DES: variants seen among roughly 807,000 people sequenced by gnomAD.
DES encodes desmin, also known as cardiomyopathy, dilated 1F (autosomal dominant).
DES carries 34 observed loss-of-function variants against 55.1 expected under a neutral mutation model. The ratio of observed to expected loss-of-function variants is 0.62; its 90% CI spans 0.47 to 0.82. The LOEUF (loss-of-function observed/expected upper bound fraction) is 0.82, where lower values mean the gene tolerates loss of function less well. Among genes scored for constraint, DES ranks in the 40% least tolerant of loss-of-function variants. The probability of loss-of-function intolerance (pLI) is 0.00; values close to 1 mark genes in which losing one functional copy is unlikely to be tolerated. For synonymous variants in DES, 259 were observed against 270.8 expected, an observed-to-expected ratio of 0.96 and a Z score of 0.43; for missense variants, 596 against 645.9, an observed-to-expected ratio of 0.92 and a Z score of 0.84.
rs1263299601 is a variant in DES, at chr2:219,419,326, A to G, written c.578+286A>G. ...GGTGCCCTGTGGACAGCCCCGTTAA[A>G]AAGCATTTTAAGATGCTGGGGCGAT... is the stretch of plus-strand genomic sequence containing the variant. On this transcript the variant is annotated intron_variant, in intron 1 of 8. Transcript: ENST00000373960. The surrounding 1 kb of genome is among the most constrained non-coding windows in gnomAD (Gnocchi z 4.3). Among the ~76,000 whole-genome samples, 1 of 152,194 alleles carries G rather than the reference A, an allele frequency of 6.6e-6. No individual in the cohort carries two copies. The highest frequency in any genetic ancestry group is 1.5e-5 in the Non-Finnish European group (1 of 68,038).
chr2:219,421,234 C>A, intron 5 of DES, 106 bp from the exon 6 acceptor site: 1 of 1,250,908 alleles, frequency 8.0e-7, no homozygotes, highest in Non-Finnish European at 1.2e-6. Flanking sequence ...CAGGGTTCAA[C>A]ATGGCCTGGA....
intron 7 of DES, chr2:219,425,173 A>G (rs533154186): frequency 9.5e-5 from 16 of 167,676 alleles, no homozygotes; most frequent in African/African-American, 3.4e-4. Context: ...CTGGGATTAC[A>G]GATGTGAGCC....
At position 219,420,553 on chromosome 2, in the gene DES, T is replaced by C. The variant is rs1457398926; in HGVS notation, c.794T>C (p.Met265Thr). 5 of 1,613,796 alleles carry C rather than the reference T, an allele frequency of 3.1e-6. No individual in the cohort carries two copies. Among genetic ancestry groups the C allele is most frequent in the African/African-American group, 2.7e-5 (2 of 74,880 alleles). ...CAGCAGGTCCAGGTGGAGATGGACA[T>C]GTCTAAGCCAGACCTCACTGCCGCC... ...QEQQVQVEMD[M>T]SKPDLTAALR... The change falls in exon 4 of 9, where the codon ATG (methionine) becomes ACG (threonine). Residue 265 changes from methionine to threonine, a missense_variant. Met to Thr is a moderately conservative substitution (Grantham distance 81, BLOSUM62 -1). Transcript: ENST00000373960. The surrounding 1 kb of genome is among the most constrained non-coding windows in gnomAD (Gnocchi z 6.0).
chr2:219,423,897 AG>A, intron 7 of DES, 77 bp downstream of exon 7: 1 of 1,514,332 alleles, frequency 6.6e-7, no homozygotes, highest in Non-Finnish European at 9.2e-7. Context: ...AAGGCCAGCC[AG>A]GAGGGAGGAT....
At position 219,420,452 on chromosome 2, in the gene DES, T is replaced by C. The variant is rs1444093494; in HGVS notation, c.736-43T>C. Reference sequence around the variant, plus strand: ...TGGGAATAGGGGTGTGAGGGTGCTGTGTGGGCCCTGAGAGGGGACTGAAGC... The same window carrying C: ...TGGGAATAGGGGTGTGAGGGTGCTGCGTGGGCCCTGAGAGGGGACTGAAGC... On this transcript the variant is annotated intron_variant, in intron 3 of 8. Coordinates refer to ENST00000373960, the MANE Select transcript of DES (RefSeq NM_001927.4). This position sits in a 1 kb window ranked among gnomAD's most constrained non-coding sequence, Gnocchi z 6.0. The C allele has an allele frequency of 1.9e-6, 3 of 1,613,644 alleles. No individual in the cohort carries two copies. The East Asian group carries it at 6.7e-5, about 36-fold the overall frequency.
chr2:219,425,822 G>T (rs916607756), intron 8 of DES, 77 bp downstream of exon 8: 1 of 1,601,218 alleles, frequency 6.2e-7, no homozygotes, highest in Non-Finnish European at 8.6e-7. Flanking sequence ...CCACCCAGCT[G>T]TGCTGGTCTA....
rs1032230976 is a variant in DES, at chr2:219,419,944, G to T, written c.579-151G>T. The stretch of plus-strand genomic sequence containing the variant: ...CCTGTGCCCTCCCTGGGTGGGTGGG[G>T]CCTCTCCACTCCCTGTCTCTCCTGC... On this transcript the variant is annotated intron_variant, in intron 1 of 8. Transcript: ENST00000373960. This position sits in a 1 kb window ranked among gnomAD's most constrained non-coding sequence, Gnocchi z 4.3. 1.0e-5 allele frequency: 8 copies of T among 785,342 alleles called. No individual in the cohort carries two copies. Among genetic ancestry groups the T allele is most frequent in the Non-Finnish European group, 1.8e-5 (8 of 452,624 alleles). 48.6% of individuals were successfully genotyped at this position (785,342 alleles called of 1,614,324 possible).
Position 219,426,306 on chromosome 2 carries a change from T to C in DES, c.*316T>C. On this transcript the variant is annotated 3_prime_UTR_variant, in exon 9 of 9. Transcript: ENST00000373960. The surrounding 1 kb of genome is among the most constrained non-coding windows in gnomAD (Gnocchi z 4.5). ...CCCTGTCCCTCCCACCTCTGTGACC[T>C]CAGGCACTAGCCTTTGGCTCTGGAG... 1 of 529,446 alleles carries C rather than the reference T, an allele frequency of 1.9e-6. No individual in the cohort carries two copies. Among genetic ancestry groups the C allele is most frequent in the Non-Finnish European group, 3.4e-6 (1 of 290,702 alleles). The allele number at this position is 529,446 out of a possible 1,614,324, so 32.8% of individuals were successfully genotyped here. A position where few individuals can be genotyped will look rare whatever the true frequency, so the allele number is the denominator to read the frequency against.
At position 219,420,013 on chromosome 2, in the gene DES, C is replaced by T; in HGVS notation, c.579-82C>T. 1 of 1,486,976 alleles carries T rather than the reference C, an allele frequency of 6.7e-7. No homozygotes were observed. The highest frequency in any genetic ancestry group is 9.4e-7 in the Non-Finnish European group (1 of 1,065,658). 92.1% of individuals were successfully genotyped at this position (1,486,976 alleles called of 1,614,324 possible). On this transcript the variant is annotated intron_variant, in intron 1 of 8. Coordinates refer to ENST00000373960, the MANE Select transcript of DES (RefSeq NM_001927.4). The surrounding 1 kb of genome is among the most constrained non-coding windows in gnomAD (Gnocchi z 6.0). ...CCCTCCCGCTCTGTCCTGGACCCACCCCCTGGTCAGCCCCCGGCCAGTCGT... is the reference window on the plus strand; with the variant it reads ...CCCTCCCGCTCTGTCCTGGACCCACTCCCTGGTCAGCCCCCGGCCAGTCGT...
At chr2:219,421,028 C>T (rs966456500) in intron 5 of DES, 75 bp downstream of exon 5, 12 of 1,563,248 alleles carry the variant, frequency 7.7e-6, no homozygotes, top group South Asian at 6.9e-5. Flanking sequence ...TGACCTTGGG[C>T]CCATCATAGA....
At chr2:219,421,625 A>C in intron 6 of DES, 65 bp downstream of exon 6, 1 of 1,481,802 alleles carries the variant, frequency 6.7e-7, no homozygotes, top group South Asian at 1.2e-5. Flanking sequence ...TTCTGTCCCC[A>C]GGAGGCTCGA....
rs1256767951 is a variant in DES at position 219,420,225 on chromosome 2, T to C, written c.640-26T>C. On this transcript the variant is annotated intron_variant, in intron 2 of 8. Coordinates refer to ENST00000373960, the MANE Select transcript of DES (RefSeq NM_001927.4). This position sits in a 1 kb window ranked among gnomAD's most constrained non-coding sequence, Gnocchi z 6.0. Reference sequence around the variant, plus strand: ...TGCCCCACCTGGGTGGCGGTGACCATGTCCTTCTCGCTTGGCCTCTCCCAG... The same window carrying C: ...TGCCCCACCTGGGTGGCGGTGACCACGTCCTTCTCGCTTGGCCTCTCCCAG... 4 of 1,614,088 alleles carry C rather than the reference T, an allele frequency of 2.5e-6. No individual in the cohort carries two copies. The highest frequency in any genetic ancestry group is 1.7e-5 in the Admixed American group (1 of 60,032).
Position 219,420,204 on chromosome 2 carries a change from C to T in DES, c.640-47C>T. On this transcript the variant is annotated intron_variant, in intron 2 of 8. Transcript: ENST00000373960. The surrounding 1 kb of genome is among the most constrained non-coding windows in gnomAD (Gnocchi z 6.0). ...GCATGGCCTCTGGCCTTGCTCTGCC[C>T]CACCTGGGTGGCGGTGACCATGTCC... 6.2e-7 allele frequency: 1 copy of T among 1,613,956 alleles called. No individual in the cohort carries two copies. Among genetic ancestry groups the T allele is most frequent in the Non-Finnish European group, 8.5e-7 (1 of 1,179,804 alleles).
In DES at chr2:219,420,643, G is replaced by T; in HGVS notation, c.884G>T (p.Trp295Leu). 1 of 1,614,038 alleles carries T rather than the reference G, an allele frequency of 6.2e-7. No homozygotes were observed. The highest frequency in any genetic ancestry group is 8.5e-7 in the Non-Finnish European group (1 of 1,180,012). Residue 295 changes from tryptophan (W) to leucine (L), a missense_variant, in exon 4 of 9, where the codon TGG becomes TTG. By Grantham distance (61) the Trp-to-Leu change is moderately conservative. Coordinates refer to ENST00000373960, the MANE Select transcript of DES (RefSeq NM_001927.4). This position sits in a 1 kb window ranked among gnomAD's most constrained non-coding sequence, Gnocchi z 6.0. ...AAGAACATTTCTGAAGCTGAGGAGT[G>T]GTACAAGTCGAAGGTGGGTGGCCTC... is the stretch of plus-strand genomic sequence containing the variant. ...AAKNISEAEE[W>L]YKSKVSDLTQ... is the part of the protein sequence containing the mutation.
Position 219,426,129 on chromosome 2 carries a change from T to G in DES, c.*139T>G. 50 of 947,806 alleles carry G rather than the reference T, an allele frequency of 5.3e-5. No individual in the cohort carries two copies. The highest frequency in any genetic ancestry group is 2.1e-4 in the Middle Eastern group (1 of 4,708). The allele number at this position is 947,806 out of a possible 1,614,324, so 58.7% of individuals were successfully genotyped here. A position where few individuals can be genotyped will look rare whatever the true frequency, so the allele number is the denominator to read the frequency against. Reference sequence around the variant, plus strand: ...GCCTCTGACCCCTCCTCACTGGCCATCCCTCGTGGTCCCCAACAGCGACAT... The same window carrying G: ...GCCTCTGACCCCTCCTCACTGGCCAGCCCTCGTGGTCCCCAACAGCGACAT... On this transcript the variant is annotated 3_prime_UTR_variant, in exon 9 of 9. Transcript: ENST00000373960. This position sits in a 1 kb window ranked among gnomAD's most constrained non-coding sequence, Gnocchi z 4.5.
rs962081236 is a variant in DES at position 219,426,132 on chromosome 2, C to T, written c.*142C>T. 3 of 974,824 alleles carry T rather than the reference C, an allele frequency of 3.1e-6. No homozygotes were observed. The highest frequency in any genetic ancestry group is 3.2e-5 in the African/African-American group (2 of 62,082). The allele number at this position is 974,824 out of a possible 1,614,324, so 60.4% of individuals were successfully genotyped here. A position where few individuals can be genotyped will look rare whatever the true frequency, so the allele number is the denominator to read the frequency against. ...TCTGACCCCTCCTCACTGGCCATCC[C>T]TCGTGGTCCCCAACAGCGACATAGC... On this transcript the variant is annotated 3_prime_UTR_variant, in exon 9 of 9. Transcript: ENST00000373960. The surrounding 1 kb of genome is among the most constrained non-coding windows in gnomAD (Gnocchi z 4.5).
rs1476854082 is a variant in DES at position 219,420,179 on chromosome 2, G to A, written c.639+24G>A. On this transcript the variant is annotated intron_variant, in intron 2 of 8. Coordinates refer to ENST00000373960, the MANE Select transcript of DES (RefSeq NM_001927.4). The surrounding 1 kb of genome is among the most constrained non-coding windows in gnomAD (Gnocchi z 6.0). Reference sequence around the variant, plus strand: ...CGGTGAGTGCCCTTCTTTTCCCCTTGCATGGCCTCTGGCCTTGCTCTGCCC... The same window carrying A: ...CGGTGAGTGCCCTTCTTTTCCCCTTACATGGCCTCTGGCCTTGCTCTGCCC... The A allele has an allele frequency of 1.2e-6, 2 of 1,614,180 alleles. No homozygotes were observed. Among genetic ancestry groups the A allele is most frequent in the Admixed American group, 1.7e-5 (1 of 60,026 alleles).
chr2:219,418,687 G>C lies in DES; in HGVS notation c.225G>C (p.Gly75=), dbSNP rs777582958. The change falls in exon 1 of 9, where the codon GGG becomes GGC. Residue 75 remains glycine, a synonymous_variant. Transcript: ENST00000373960. ...GGTCGCTGCGGGCCAGCCGGCTGGG[G>C]ACCACCCGCACGCCCTCCTCCTACG... ...GLGSLRASRL[G]TTRTPSSYGA... is the part of the protein sequence containing the mutation. 6.4e-7 allele frequency: 1 copy of C among 1,573,278 alleles called. No homozygotes were observed. The highest frequency in any genetic ancestry group is 1.2e-5 in the South Asian group (1 of 86,312).
chr2:219,423,216 T>C (rs534386018), intron 6 of DES, among the ~76,000 whole-genome samples: 1 of 152,116 alleles, frequency 6.6e-6, no homozygotes, highest in South Asian at 2.1e-4. Flanking sequence ...GAGGGCGCGG[T>C]GGGGTTGCAC....
Sources: allele counts gnomAD v4.1 joint callset (sites outside exome capture counted in the v4.1 genomes callset), GRCh38; gene constraint gnomAD v4.1.1; non-coding constraint Gnocchi (gnomAD v3.1); transcripts MANE v1.5; gene names NCBI Gene and HGNC (gene_info 2026-07-23, HGNC 2026-07-21).